Variants in ADIPOR1 observed in about 807,000 individuals in gnomAD.
ADIPOR1 encodes adiponectin receptor 1, also known as adiponectin receptor protein 1.
Under a neutral mutation model 37.5 loss-of-function variants are expected in ADIPOR1, and 15 were observed. The ratio of observed to expected loss-of-function variants is 0.40; its 90% CI spans 0.27 to 0.62. The LOEUF (loss-of-function observed/expected upper bound fraction) is 0.62, where lower values mean the gene tolerates loss of function less well. Among genes scored for constraint, ADIPOR1 ranks in the 20% least tolerant of loss-of-function variants. The probability of loss-of-function intolerance (pLI) is 0.42; values close to 1 mark genes in which losing one functional copy is unlikely to be tolerated. For missense variants in ADIPOR1, 286 were observed against 478.0 expected (o/e 0.60, Z 3.75); for synonymous variants, 173 against 173.2 (o/e 1.00, Z 0.01).
In ADIPOR1 at chr1:202,941,473, T is replaced by C. The variant is rs1654080238; in HGVS notation, c.*100A>G. ...GTACTGAATTCTCTAAGAGGTTTCT[T>C]CTAGAAACAGACAACTCAGACTCTT... On this transcript the variant is annotated 3_prime_UTR_variant, in exon 8 of 8. Transcript: ENST00000340990. 2 of 1,435,030 alleles carry C rather than the reference T, an allele frequency of 1.4e-6. No individual in the cohort carries two copies. The highest frequency in any genetic ancestry group is 1.9e-6 in the Non-Finnish European group (2 of 1,070,596). The allele number at this position is 1,435,030 out of a possible 1,614,324, so 88.9% of individuals were successfully genotyped here. A position where few individuals can be genotyped will look rare whatever the true frequency, so the allele number is the denominator to read the frequency against.
In ADIPOR1 at chr1:202,941,714, A is replaced by G; in HGVS notation, c.1000-13T>C. ...GATGAGACTGGAACTGTAGGAATAA[A>G]AAGAAAAGAGCCTTTAGGATAATGC... On this transcript the variant is annotated splice_polypyrimidine_tract_variant and intron_variant, in intron 7 of 7. Transcript: ENST00000340990. The G allele has an allele frequency of 6.2e-7, 1 of 1,605,576 alleles. No individual in the cohort carries two copies. Among genetic ancestry groups the G allele is most frequent in the Non-Finnish European group, 8.5e-7 (1 of 1,177,960 alleles).
intron 2 of ADIPOR1, among the ~76,000 whole-genome samples, chr1:202,950,599 C>A (rs1654534582): frequency 6.6e-6 from 1 of 152,044 alleles, no homozygotes; most frequent in South Asian, 2.1e-4. Context: ...TCTGTCCTGT[C>A]AAAACTGTAA....
chr1:202,948,478 C>A (rs1654423493), intron 2 of ADIPOR1, 58 bp from the exon 3 acceptor site: 5 of 1,511,764 alleles, frequency 3.3e-6, no homozygotes, highest in Non-Finnish European at 4.6e-6. Context: ...TGTACTATTC[C>A]AGAGCAGAGA....
At chr1:202,943,148 G>A (rs1391069018) in intron 6 of ADIPOR1, among the ~76,000 whole-genome samples, 7 of 152,284 alleles carry the variant, frequency 4.6e-5, no homozygotes, top group South Asian at 4.1e-4. Flanking sequence ...GATTACAGGC[G>A]TGAGCCACTG....
intron 1 of ADIPOR1, among the ~76,000 whole-genome samples, chr1:202,951,920 T>C (rs1654591022): frequency 1.3e-5 from 2 of 152,194 alleles, no homozygotes; most frequent in African/African-American, 2.4e-5. Flanking sequence ...CAATAACTTG[T>C]TTCAACCACC....
At chr1:202,948,576 T>G (rs1174014173) in intron 2 of ADIPOR1, among the ~76,000 whole-genome samples, 156 bp from the exon 3 acceptor site, 1 of 152,194 alleles carries the variant, frequency 6.6e-6, no homozygotes. Context: ...GCATACACAC[T>G]GAGTTTACAA....
intron 5 of ADIPOR1, 173 bp from the exon 6 acceptor site, chr1:202,944,118 A>T: frequency 5.2e-6 from 3 of 578,692 alleles, no homozygotes; most frequent in Non-Finnish European, 8.8e-6. Flanking sequence ...AAATTCCACA[A>T]GGTCACTTCT....
At position 202,941,512 on chromosome 1, in the gene ADIPOR1, C is replaced by T. The variant is rs1290440099; in HGVS notation, c.*61G>A. 1.3e-6 allele frequency: 2 copies of T among 1,557,136 alleles called. No homozygotes were observed. Among genetic ancestry groups the T allele is most frequent in the Non-Finnish European group, 1.7e-6 (2 of 1,155,564 alleles). ...ACTCAGACTCTTCCTCTCACTTCAG[C>T]AAAGAAGTTATTTTTAAAAGCACTT... On this transcript the variant is annotated 3_prime_UTR_variant, in exon 8 of 8. Transcript: ENST00000340990.
At chr1:202,942,510 T>C (rs1654134486) in intron 6 of ADIPOR1, among the ~76,000 whole-genome samples, 1 of 152,220 alleles carries the variant, frequency 6.6e-6, no homozygotes, top group African/African-American at 2.4e-5. Flanking sequence ...GTCAAGACTC[T>C]CTGATGGCTA....
intron 4 of ADIPOR1, 53 bp downstream of exon 4, chr1:202,946,386 C>A: frequency 1.2e-6 from 2 of 1,606,588 alleles, no homozygotes; most frequent in East Asian, 2.2e-5. Context: ...TCTATAATCC[C>A]TTCGCAGTTA....
Position 202,948,379 on chromosome 1 carries a change from C to G in ADIPOR1, c.183G>C (p.Glu61Asp). ...EQTCPVPQEE[E>D]EEVRVLTLPL... ...GAAGTGTCAGTACCCGCACCTCCTC[C>G]TCTTCTTCCTGGGGCACTGGGCATG... The change falls in exon 3 of 8, where the codon GAG becomes GAC. Residue 61 changes from glutamate (E) to aspartate (D), a missense_variant. Transcript: ENST00000340990. 1 of 1,614,018 alleles carries G rather than the reference C, an allele frequency of 6.2e-7. No individual in the cohort carries two copies. Among genetic ancestry groups the G allele is most frequent in the Admixed American group, 1.7e-5 (1 of 60,020 alleles).
At chr1:202,944,035 C>G (rs1654206127) in intron 5 of ADIPOR1, 90 bp from the exon 6 acceptor site, 23 of 1,221,802 alleles carry the variant, frequency 1.9e-5, no homozygotes, top group Non-Finnish European at 2.4e-5. Context: ...TCCACCTGCT[C>G]CCAGATTTAA....
rs1362276960 is a variant in ADIPOR1 at position 202,941,578 on chromosome 1, G to C, written c.1123C>G (p.Leu375Val). 6.2e-7 allele frequency: 1 copy of C among 1,610,480 alleles called. No individual in the cohort carries two copies. The highest frequency in any genetic ancestry group is 1.1e-5 in the South Asian group (1 of 90,286). ...LEGGCTDDTL[L>V] is the part of the protein sequence containing the mutation. ...CACCCCGCAGGTGGGAAGGCTCAGA[G>C]AAGGGTGTCATCAGTACAGCCGCCT... Residue 375 changes from leucine (L) to valine (V), a missense_variant, in exon 8 of 8, where the codon CTC becomes GTC. Physicochemically the swap from Leu to Val is conservative, Grantham distance 32. Transcript: ENST00000340990.
chr1:202,946,200 A>G (rs1318130472), intron 4 of ADIPOR1, among the ~76,000 whole-genome samples: 1 of 152,164 alleles, frequency 6.6e-6, no homozygotes, highest in Non-Finnish European at 1.5e-5. Flanking sequence ...CACCTAGAAC[A>G]GTTCTGCCAG....
intron 1 of ADIPOR1, among the ~76,000 whole-genome samples, chr1:202,955,131 A>C (rs1352509883): frequency 6.6e-6 from 1 of 152,214 alleles, no homozygotes; most frequent in African/African-American, 2.4e-5. Flanking sequence ...GAACTACAGT[A>C]TATAGGGCCT....
At chr1:202,944,625 G>C (rs1364290507) in intron 5 of ADIPOR1, 1 of 161,588 alleles carries the variant, frequency 6.2e-6, no homozygotes, top group Admixed American at 6.1e-5. Context: ...ATGAAGCATA[G>C]ACTATTTACC....
chr1:202,945,300 A>G, intron 4 of ADIPOR1, 131 bp from the exon 5 acceptor site: 1 of 890,280 alleles, frequency 1.1e-6, no homozygotes, highest in Non-Finnish European at 1.6e-6. Context: ...TTAAAAGCAC[A>G]ATGAAATACC....
At chr1:202,949,778 C>T (rs548101467) in intron 2 of ADIPOR1, among the ~76,000 whole-genome samples, 18 of 152,040 alleles carry the variant, frequency 1.2e-4, no homozygotes, top group Admixed American at 3.9e-4. Context: ...CTACAGCTTC[C>T]AGCCAGTCTA....
At position 202,941,329 on chromosome 1, in the gene ADIPOR1, G is replaced by A. The variant is rs181259491; in HGVS notation, c.*244C>T. The stretch of plus-strand genomic sequence containing the variant: ...CAAAGTACTGTCTCTGTGAGGGGCC[G>A]GTAGATGCCTTGCTGAGGAGGGGAT... On this transcript the variant is annotated 3_prime_UTR_variant, in exon 8 of 8. Transcript: ENST00000340990. 1.8e-4 allele frequency: 62 copies of A among 343,826 alleles called. No homozygotes were observed. Among genetic ancestry groups the A allele is most frequent in the African/African-American group, 1.1e-3 (54 of 47,494 alleles). 21.3% of individuals were successfully genotyped at this position (343,826 alleles called of 1,614,324 possible).
Sources: gnomAD v4.1 joint callset for allele counts (sites outside exome capture counted in the v4.1 genomes callset) on GRCh38, gnomAD v4.1.1 for gene constraint, MANE v1.5 for transcripts, NCBI Gene and HGNC (gene_info 2026-07-23, HGNC 2026-07-21) for gene names.